SMURF1: variants seen among roughly 807,000 people sequenced by gnomAD.
The protein encoded by SMURF1 is E3 ubiquitin-protein ligase SMURF1.
A neutral mutation model predicts 98.0 loss-of-function variants in SMURF1; 44 were observed. The ratio of observed to expected loss-of-function variants is 0.45; its 90% CI spans 0.35 to 0.58. The LOEUF (loss-of-function observed/expected upper bound fraction) is 0.58, where lower values mean the gene tolerates loss of function less well. SMURF1 is among the 20% of genes least tolerant of loss of function. SMURF1 has a pLI of 0.00. For missense variants in SMURF1, 687 were observed against 938.4 expected, an observed-to-expected ratio of 0.73 and a Z score of 3.50; for synonymous variants, 396 against 374.9, an observed-to-expected ratio of 1.06 and a Z score of -0.65.
At chr7:99,070,997 G>A (rs1325337752) in intron 1 of SMURF1, among the ~76,000 whole-genome samples, 1 of 151,666 alleles carries the variant, frequency 6.6e-6, no homozygotes, top group Non-Finnish European at 1.5e-5. Context: ...TTATAATGAG[G>A]GAGAAATAAA....
intron 1 of SMURF1, among the ~76,000 whole-genome samples, chr7:99,088,938 G>A (rs1356882174): frequency 1.3e-5 from 2 of 152,158 alleles, no homozygotes; most frequent in African/African-American, 2.4e-5. Context: ...GGGTGCGCTG[G>A]CTCACGCCTG....
At chr7:99,073,681 G>A (rs766224994) in intron 1 of SMURF1, among the ~76,000 whole-genome samples, 5 of 151,508 alleles carry the variant, frequency 3.3e-5, no homozygotes, top group Admixed American at 6.6e-5. Flanking sequence ...CAGGACAATC[G>A]CTTGAACCCA....
At position 99,072,111 on chromosome 7, in the gene SMURF1, GA is replaced by G. The variant is rs940813904; in HGVS notation, c.56-10275del. ...GAATAAATAAATAAGAAGAAGAAAG[GA>G]AAAAAAAAAGTAATCATAAGTAATA... On this transcript the variant is annotated intron_variant, in intron 1 of 17. Transcript: ENST00000361368. Among the ~76,000 whole-genome samples, 476 of 146,062 alleles carry G rather than the reference GA, an allele frequency of 3.3e-3. 1 individual carries two copies. The highest frequency in any genetic ancestry group is 9.4e-3 in the African/African-American group (376 of 39,838).
intron 1 of SMURF1, among the ~76,000 whole-genome samples, chr7:99,086,843 G>A (rs184766533): frequency 2.6e-5 from 4 of 152,242 alleles, no homozygotes; most frequent in African/African-American, 4.8e-5. Flanking sequence ...GTCATTTATC[G>A]GAAATGTCCA....
intron 1 of SMURF1, among the ~76,000 whole-genome samples, chr7:99,114,759 C>T (rs771990566): frequency 9.9e-5 from 15 of 152,036 alleles, no homozygotes; most frequent in Non-Finnish European, 1.8e-4. Flanking sequence ...GGCCACAAAA[C>T]AAGTCTTAAT....
chr7:99,065,034 G>A (rs1280727203), intron 1 of SMURF1, among the ~76,000 whole-genome samples: 1 of 151,886 alleles, frequency 6.6e-6, no homozygotes. Context: ...TTACAATAGA[G>A]TATCTTGAAT....
chr7:99,089,230 A>G (rs1298706458), intron 1 of SMURF1, among the ~76,000 whole-genome samples: 3 of 151,536 alleles, frequency 2.0e-5, no homozygotes, highest in East Asian at 1.9e-4. Context: ...AAATCAATCA[A>G]TCAGTCAGAC....
At chr7:99,065,319 T>A (rs1796162689) in intron 1 of SMURF1, among the ~76,000 whole-genome samples, 2 of 151,992 alleles carry the variant, frequency 1.3e-5, no homozygotes, top group Non-Finnish European at 2.9e-5. Flanking sequence ...AACTCCTGGG[T>A]TCAAGCAATC....
chr7:99,066,486 T>G (rs1796195337), intron 1 of SMURF1, among the ~76,000 whole-genome samples: 1 of 152,028 alleles, frequency 6.6e-6, no homozygotes, highest in Non-Finnish European at 1.5e-5. Flanking sequence ...ACAAAGAAAA[T>G]TTTGCTTTGG....
intron 5 of SMURF1, 106 bp from the exon 6 acceptor site, chr7:99,054,971 C>A: frequency 9.6e-7 from 1 of 1,043,958 alleles, no homozygotes; most frequent in Non-Finnish European, 1.5e-6. Context: ...TCATAAAAAA[C>A]GAGGCATATG....
chr7:99,055,094 G>A (rs1257517562), intron 5 of SMURF1, among the ~76,000 whole-genome samples: 1 of 152,136 alleles, frequency 6.6e-6, no homozygotes, highest in Non-Finnish European at 1.5e-5. Flanking sequence ...AGGGTGCTAT[G>A]TTTCTCCTGG....
chr7:99,142,546 A>G (rs898947347), intron 1 of SMURF1, among the ~76,000 whole-genome samples: 2 of 145,836 alleles, frequency 1.4e-5, no homozygotes, highest in Admixed American at 1.4e-4. Context: ...AGGCCTCGCC[A>G]GACAGCAGCG....
At chr7:99,093,033 A>G (rs1252435308) in intron 1 of SMURF1, among the ~76,000 whole-genome samples, 1 of 152,166 alleles carries the variant, frequency 6.6e-6, no homozygotes, top group Non-Finnish European at 1.5e-5. Flanking sequence ...TACACAGACT[A>G]ACACCAGTGG....
chr7:99,045,473 C>T (rs1584455558), intron 11 of SMURF1: 4 of 505,410 alleles, frequency 7.9e-6, no homozygotes, highest in East Asian at 3.2e-5. Flanking sequence ...GTGACAATCA[C>T]GGATATTCTG....
chr7:99,043,246 T>C (rs1345466319), intron 11 of SMURF1, among the ~76,000 whole-genome samples: 2 of 152,176 alleles, frequency 1.3e-5, no homozygotes, highest in African/African-American at 4.8e-5. Context: ...AAAGAGAGGC[T>C]ACAGAAAGGA....
chr7:99,099,613 G>T (rs1055754161), intron 1 of SMURF1, among the ~76,000 whole-genome samples: 1 of 152,054 alleles, frequency 6.6e-6, no homozygotes, highest in African/African-American at 2.4e-5. Flanking sequence ...GCGGTGGGAG[G>T]TGGGGCCTAT....
chr7:99,135,372 G>A (rs947875140), intron 1 of SMURF1, among the ~76,000 whole-genome samples: 7 of 152,002 alleles, frequency 4.6e-5, no homozygotes, highest in African/African-American at 7.3e-5. Context: ...CCTCTGAAGA[G>A]GAGAACAGGA....
intron 8 of SMURF1, chr7:99,051,119 C>A: frequency 2.3e-6 from 2 of 875,966 alleles, no homozygotes; most frequent in Non-Finnish European, 3.6e-6. Context: ...GCTGTGTAAC[C>A]AACTTCAACA....
At chr7:99,139,106 C>G (rs1285746429) in intron 1 of SMURF1, among the ~76,000 whole-genome samples, 1 of 152,206 alleles carries the variant, frequency 6.6e-6, no homozygotes, top group African/African-American at 2.4e-5. Flanking sequence ...AGTCAACAGT[C>G]TTAACAATTT....
Sources: allele counts gnomAD v4.1 joint callset (sites outside exome capture counted in the v4.1 genomes callset), GRCh38; gene constraint gnomAD v4.1.1; transcripts MANE v1.5; gene names NCBI Gene and HGNC (gene_info 2026-07-23, HGNC 2026-07-21).